Variants in VTI1A observed in about 807,000 individuals in gnomAD.
The protein encoded by VTI1A is vesicle transport through interaction with t-SNAREs 1A.
A neutral mutation model predicts 34.9 loss-of-function variants in VTI1A; 22 were observed. That is an observed-to-expected ratio of 0.63 (90% CI 0.45 to 0.90). VTI1A has a LOEUF of 0.90. Among genes scored for constraint, VTI1A ranks in the 40% least tolerant of loss-of-function variants. The probability of loss-of-function intolerance (pLI) is 0.00; values close to 1 mark genes in which losing one functional copy is unlikely to be tolerated. For missense variants in VTI1A, 268 were observed against 275.6 expected (o/e 0.97, Z 0.20); for synonymous variants, 87 against 97.3 (o/e 0.89, Z 0.62).
intron 7 of VTI1A, among the ~76,000 whole-genome samples, chr10:112,783,859 T>C (rs943561362): frequency 2.0e-5 from 3 of 151,624 alleles, no homozygotes; most frequent in African/African-American, 7.3e-5. Flanking sequence ...GTCCGGGGAG[T>C]CTAGGCACTC....
At chr10:112,635,822 T>C (rs1200848350) in intron 5 of VTI1A, among the ~76,000 whole-genome samples, 1 of 152,158 alleles carries the variant, frequency 6.6e-6, no homozygotes, top group African/African-American at 2.4e-5. Flanking sequence ...ATTTAGCTGA[T>C]GGGAAGAGGC....
At chr10:112,532,197 T>G (rs945806469) in intron 4 of VTI1A, among the ~76,000 whole-genome samples, 4 of 152,176 alleles carry the variant, frequency 2.6e-5, no homozygotes, top group Non-Finnish European at 5.9e-5. Flanking sequence ...TTCCTTGAAT[T>G]CGGGACAAAA....
At chr10:112,700,299 C>T (rs1294150541) in intron 7 of VTI1A, among the ~76,000 whole-genome samples, 1 of 152,086 alleles carries the variant, frequency 6.6e-6, no homozygotes, top group Non-Finnish European at 1.5e-5. Flanking sequence ...AGTGTTTTTC[C>T]TGCTATGTCA....
chr10:112,704,227 A>G (rs1292923897), intron 7 of VTI1A, among the ~76,000 whole-genome samples: 1 of 152,216 alleles, frequency 6.6e-6, no homozygotes, highest in Non-Finnish European at 1.5e-5. Flanking sequence ...TTAAATATTT[A>G]AAGTCATCGT....
At chr10:112,841,464 A>T in the VTI1A span, among the ~76,000 whole-genome samples, 10 of 152,168 alleles carry the variant, frequency 6.6e-5, no homozygotes, top group Non-Finnish European at 1.3e-4. Context: ...GGCAGTTTGG[A>T]TACAAAGAAA....
At position 112,471,683 on chromosome 10, in the gene VTI1A, A is replaced by T. The variant is rs182723341; in HGVS notation, c.264+7026A>T. Among the ~76,000 whole-genome samples the T allele has an allele frequency of 7.4e-3, 1,107 of 150,482 alleles. 14 individuals are homozygous for T. Among genetic ancestry groups the T allele is most frequent in the African/African-American group, 0.025 (1,037 of 41,082 alleles). ...GTTTAGGTATTTGAAAACAACTTTTAAAAAAAAAATTAGAATTCCTGTAAG... is the reference window on the plus strand; with the variant it reads ...GTTTAGGTATTTGAAAACAACTTTTTAAAAAAAAATTAGAATTCCTGTAAG... On this transcript the variant is annotated intron_variant, in intron 3 of 7. Coordinates refer to ENST00000393077, the MANE Select transcript of VTI1A (RefSeq NM_145206.4).
chr10:112,676,918 T>C (rs1233424378), intron 7 of VTI1A, among the ~76,000 whole-genome samples: 1 of 152,220 alleles, frequency 6.6e-6, no homozygotes, highest in East Asian at 1.9e-4. Flanking sequence ...AGATCACTTA[T>C]GGATGGGTTC....
At chr10:112,594,126 T>C (rs1423579071) in intron 5 of VTI1A, among the ~76,000 whole-genome samples, 1 of 152,114 alleles carries the variant, frequency 6.6e-6, no homozygotes, top group Non-Finnish European at 1.5e-5. Context: ...TTAGCCAGGA[T>C]GGTCTCGATT....
At chr10:112,650,383 C>T (rs778112331) in intron 5 of VTI1A, among the ~76,000 whole-genome samples, 1 of 152,114 alleles carries the variant, frequency 6.6e-6, no homozygotes, top group Non-Finnish European at 1.5e-5. Context: ...ATGCATGGAG[C>T]TGTCATCTCC....
At chr10:112,529,419 G>A (rs1048869208) in intron 4 of VTI1A, among the ~76,000 whole-genome samples, 12 of 151,976 alleles carry the variant, frequency 7.9e-5, no homozygotes, top group Admixed American at 5.9e-4. Context: ...TTTTTATTCC[G>A]CATCAGCATT....
chr10:112,612,402 A>C (rs1245391185), intron 5 of VTI1A, among the ~76,000 whole-genome samples: 1 of 152,006 alleles, frequency 6.6e-6, no homozygotes, highest in Admixed American at 6.5e-5. Flanking sequence ...AAAGACAAGC[A>C]CCTTTTTGTT....
intron 7 of VTI1A, among the ~76,000 whole-genome samples, chr10:112,734,921 T>G (rs10787459): frequency 5.8e-4 from 88 of 152,012 alleles, no homozygotes; most frequent in African/African-American, 2.1e-3. Flanking sequence ...CATGAGCAAC[T>G]GCGCCCAGCC....
intron 7 of VTI1A, among the ~76,000 whole-genome samples, chr10:112,740,477 G>T (rs1850656313): frequency 6.6e-6 from 1 of 152,338 alleles, no homozygotes; most frequent in South Asian, 2.1e-4. Flanking sequence ...AGAGACAGGG[G>T]TTTCACCATC....
intron 5 of VTI1A, among the ~76,000 whole-genome samples, chr10:112,641,894 A>G (rs996880230): frequency 3.3e-5 from 5 of 152,194 alleles, no homozygotes; most frequent in Admixed American, 2.0e-4. Context: ...GGGCCGCAGA[A>G]AGAGGAACTG....
At chr10:112,782,416 C>T (rs371822008) in intron 7 of VTI1A, among the ~76,000 whole-genome samples, 1 of 152,280 alleles carries the variant, frequency 6.6e-6, no homozygotes. Context: ...GGCGTGGAAG[C>T]GCATGCTCTT....
chr10:112,502,656 C>T lies in VTI1A; in HGVS notation c.265-24431C>T, dbSNP rs1849284074. Among the ~76,000 whole-genome samples the T allele has an allele frequency of 2.0e-5, 3 of 152,236 alleles. No individual in the cohort carries two copies. In the South Asian group the frequency reaches 6.2e-4, roughly 32 times the overall value. ...TTTTATTTGCATCTCTCTTCATTTT[C>T]TTCCCAACTCGTGCTTATGACCAGA... On this transcript the variant is annotated intron_variant, in intron 3 of 7. Transcript: ENST00000393077.
intron 7 of VTI1A, among the ~76,000 whole-genome samples, chr10:112,692,597 C>T (rs773746089): frequency 1.3e-5 from 2 of 152,208 alleles, no homozygotes; most frequent in African/African-American, 2.4e-5. Context: ...GGCATACCTA[C>T]CTGCCTAACA....
intron 5 of VTI1A, among the ~76,000 whole-genome samples, chr10:112,652,941 A>G (rs1348605181): frequency 6.6e-6 from 1 of 152,200 alleles, no homozygotes; most frequent in Non-Finnish European, 1.5e-5. Flanking sequence ...AAATGCATAC[A>G]CAAAACAAGG....
At chr10:112,855,343 T>C in the VTI1A span, among the ~76,000 whole-genome samples, 633 of 152,276 alleles carry the variant, frequency 4.2e-3, 7 homozygotes, top group African/African-American at 0.011. Flanking sequence ...CTAATTGGCT[T>C]TCCATTAAAG....
Sources: gnomAD v4.1 joint callset for allele counts (sites outside exome capture counted in the v4.1 genomes callset) on GRCh38, gnomAD v4.1.1 for gene constraint, MANE v1.5 for transcripts, NCBI Gene and HGNC (gene_info 2026-07-23, HGNC 2026-07-21) for gene names.